ELMO1: variants seen among roughly 807,000 people sequenced by gnomAD.
The protein encoded by ELMO1 is engulfment and cell motility 1.
In ELMO1, 26 loss-of-function variants were observed where a neutral mutation model predicts 98.9. The observed-to-expected ratio is 0.26, with a 90% CI of 0.19 to 0.36. ELMO1 has a LOEUF of 0.36. Among genes scored for constraint, ELMO1 ranks in the 10% least tolerant of loss-of-function variants. The pLI is 1.00. For synonymous variants in ELMO1, 346 were observed against 346.0 expected (o/e 1.00, Z 0.00); for missense variants, 627 against 935.2 (o/e 0.67, Z 4.30).
intron 16 of ELMO1, among the ~76,000 whole-genome samples, chr7:37,009,351 A>G (rs114462983): frequency 1.3e-3 from 192 of 152,366 alleles, no homozygotes; most frequent in African/African-American, 4.4e-3. Flanking sequence ...AGAAACTGAA[A>G]GAAAGTACTT....
rs1281119351 is a variant in ELMO1, at chr7:37,342,519, A to C, written c.78+94T>G. Reference sequence around the variant, plus strand: ...CAGATTTTTCAACACAGCTAGAGAGAGAAAGGGAGAAGAGTGAGCTATCCA... The same window carrying C: ...CAGATTTTTCAACACAGCTAGAGAGCGAAAGGGAGAAGAGTGAGCTATCCA... On this transcript the variant is annotated intron_variant, in intron 2 of 21. Transcript: ENST00000310758. This position sits in a 1 kb window ranked among gnomAD's most constrained non-coding sequence, Gnocchi z 4.3. 8.0e-7 allele frequency: 1 copy of C among 1,255,054 alleles called. No homozygotes were observed. The highest frequency in any genetic ancestry group is 1.2e-6 in the Non-Finnish European group (1 of 856,052). The allele number at this position is 1,255,054 out of a possible 1,614,324, so 77.7% of individuals were successfully genotyped here.
At chr7:37,319,702 C>T (rs1799380337) in intron 2 of ELMO1, among the ~76,000 whole-genome samples, 1 of 152,196 alleles carries the variant, frequency 6.6e-6, no homozygotes, top group African/African-American at 2.4e-5. Flanking sequence ...CTTGTCTTCT[C>T]TTTCTTCCTT....
intron 6 of ELMO1, among the ~76,000 whole-genome samples, chr7:37,255,359 A>G (rs906697482): frequency 6.6e-6 from 1 of 152,180 alleles, no homozygotes; most frequent in African/African-American, 2.4e-5. Context: ...GCAGAAACCA[A>G]CCCTGCCAAC....
At chr7:37,025,895 TTCTATCTATCTA>T (rs57497721) in intron 15 of ELMO1, among the ~76,000 whole-genome samples, 98 of 142,960 alleles carry the variant, frequency 6.9e-4, no homozygotes, top group African/African-American at 2.1e-3. Flanking sequence ...ATATTATATA[TTCTATCTATCTA>T]TCTATCTATC....
intron 15 of ELMO1, among the ~76,000 whole-genome samples, chr7:37,073,842 A>G (rs923261857): frequency 6.6e-6 from 1 of 151,650 alleles, no homozygotes; most frequent in Admixed American, 6.6e-5. Flanking sequence ...TTGGCCTCCC[A>G]AAGTATTGGG....
intron 1 of ELMO1, among the ~76,000 whole-genome samples, chr7:37,352,641 T>C (rs1016852508): frequency 6.6e-6 from 1 of 152,186 alleles, no homozygotes; most frequent in Non-Finnish European, 1.5e-5. Context: ...AGAAATGCAA[T>C]GGAAAGTGGC....
At chr7:37,415,241 C>G (rs1442120655) in intron 1 of ELMO1, among the ~76,000 whole-genome samples, 1 of 152,226 alleles carries the variant, frequency 6.6e-6, no homozygotes, top group African/African-American at 2.4e-5. Context: ...TGCATGTACT[C>G]CTGAACAAAA....
Position 37,341,223 on chromosome 7 carries a change from G to A in ELMO1, c.78+1390C>T, listed in dbSNP as rs1388987682. ...GAGGGCCCCAGTGCATGCCACTGCG[G>A]GGCATTCAGGACCTCTCTACACGTG... is the stretch of plus-strand genomic sequence containing the variant. On this transcript the variant is annotated intron_variant, in intron 2 of 21. Coordinates refer to ENST00000310758, the MANE Select transcript of ELMO1 (RefSeq NM_014800.11). Among the ~76,000 whole-genome samples the A allele has an allele frequency of 2.6e-5, 4 of 152,160 alleles. 1 individual carries two copies. The South Asian group carries it at 8.3e-4, about 32-fold the overall frequency.
intron 14 of ELMO1, among the ~76,000 whole-genome samples, chr7:37,105,145 G>A (rs779804091): frequency 1.6e-4 from 25 of 152,324 alleles, no homozygotes; most frequent in Middle Eastern, 3.4e-3. Context: ...AGCAGGACGC[G>A]CAAAACACAC....
intron 16 of ELMO1, among the ~76,000 whole-genome samples, chr7:36,909,153 C>T (rs1784168887): frequency 6.6e-6 from 1 of 152,072 alleles, no homozygotes; most frequent in African/African-American, 2.4e-5. Context: ...TAACTTTAAC[C>T]TACGATTAAT....
chr7:37,114,974 C>G (rs1785488702), intron 14 of ELMO1, among the ~76,000 whole-genome samples: 2 of 152,036 alleles, frequency 1.3e-5, no homozygotes, highest in African/African-American at 4.8e-5. Context: ...ATGAACAAGT[C>G]TATGCTCAAA....
At chr7:37,320,597 CT>C (rs1044005939) in intron 2 of ELMO1, among the ~76,000 whole-genome samples, 7 of 152,176 alleles carry the variant, frequency 4.6e-5, no homozygotes, top group Admixed American at 2.6e-4. Context: ...ATTACTCCCT[CT>C]GTGTACTTAG....
intron 1 of ELMO1, among the ~76,000 whole-genome samples, chr7:37,384,085 G>T (rs1302453711): frequency 3.9e-5 from 6 of 152,210 alleles, no homozygotes; most frequent in African/African-American, 1.4e-4. Context: ...AGAATGCTGG[G>T]ATTACAGGCG....
intron 1 of ELMO1, among the ~76,000 whole-genome samples, chr7:37,430,321 C>T (rs527696123): frequency 6.6e-6 from 1 of 152,274 alleles, no homozygotes; most frequent in Non-Finnish European, 1.5e-5. Flanking sequence ...CCTCATCTTC[C>T]CCTGCAGAGG....
intron 1 of ELMO1, among the ~76,000 whole-genome samples, chr7:37,441,462 C>T (rs898537351): frequency 6.6e-6 from 1 of 152,166 alleles, no homozygotes; most frequent in Non-Finnish European, 1.5e-5. Flanking sequence ...ATGTCCTGGT[C>T]GCACTAATGG....
chr7:37,126,367 T>C (rs1476303162), intron 14 of ELMO1, among the ~76,000 whole-genome samples: 1 of 149,054 alleles, frequency 6.7e-6, no homozygotes, highest in Non-Finnish European at 1.5e-5. Flanking sequence ...CATAGCACCA[T>C]GCCGAATCAA....
chr7:37,143,563 T>C (rs1787778898), intron 13 of ELMO1, among the ~76,000 whole-genome samples: 1 of 151,958 alleles, frequency 6.6e-6, no homozygotes, highest in African/African-American at 2.4e-5. Flanking sequence ...CCTGCCACCA[T>C]GCCTGTCTAA....
intron 1 of ELMO1, among the ~76,000 whole-genome samples, chr7:37,411,067 A>G (rs906285728): frequency 2.0e-5 from 3 of 152,266 alleles, no homozygotes; most frequent in African/African-American, 7.2e-5. Flanking sequence ...AGGAAGTAGG[A>G]ACAAGAAGTA....
At chr7:36,948,397 T>C (rs1787684859) in intron 16 of ELMO1, among the ~76,000 whole-genome samples, 1 of 152,222 alleles carries the variant, frequency 6.6e-6, no homozygotes, top group Non-Finnish European at 1.5e-5. Flanking sequence ...GAATGTCATC[T>C]ATGCACCAGG....
Sources: gnomAD v4.1 joint callset for allele counts (sites outside exome capture counted in the v4.1 genomes callset) on GRCh38, gnomAD v4.1.1 for gene constraint, Gnocchi (gnomAD v3.1) non-coding constraint, MANE v1.5 for transcripts, NCBI Gene and HGNC (gene_info 2026-07-23, HGNC 2026-07-21) for gene names.